The following NOL8 variants were observed in gnomAD, a reference collection of about 807,000 sequenced individuals.
The protein encoded by NOL8 is nucleolar protein 8.
A neutral mutation model predicts 116.1 loss-of-function variants in NOL8; 93 were observed. That is an observed-to-expected ratio of 0.80 (90% CI 0.68 to 0.95). The LOEUF is 0.95. Among genes scored for constraint, NOL8 ranks in the 40% least tolerant of loss-of-function variants. The pLI is 0.00. For synonymous variants in NOL8, 419 were observed against 469.0 expected, an observed-to-expected ratio of 0.89 and a Z score of 1.38; for missense variants, 1,291 against 1,382.8, an observed-to-expected ratio of 0.93 and a Z score of 1.05.
Position 92,315,936 on chromosome 9 carries a change from G to A in NOL8, c.689C>T (p.Thr230Ile). The A allele has an allele frequency of 1.2e-6, 2 of 1,613,898 alleles. No homozygotes were observed. Among genetic ancestry groups the A allele is most frequent in the Non-Finnish European group, 1.7e-6 (2 of 1,179,868 alleles). ...IIKVQKDESS[T>I]GSLAMSTRPR... is the part of the protein sequence containing the mutation. Reference sequence around the variant, plus strand: ...CCTTGTACTCATGGCCAGAGACCCAGTGGAACTCTCATCCTTCTGCACTTT... The same window carrying A: ...CCTTGTACTCATGGCCAGAGACCCAATGGAACTCTCATCCTTCTGCACTTT... Residue 230 changes from threonine (T) to isoleucine (I), a missense_variant, in exon 7 of 17, where the codon ACT becomes ATT. Thr to Ile is a moderately conservative substitution (Grantham distance 89). Transcript: ENST00000442668.
intron 4 of NOL8, among the ~76,000 whole-genome samples, chr9:92,319,656 A>G (rs1009905638): frequency 2.0e-5 from 3 of 152,232 alleles, no homozygotes; most frequent in African/African-American, 7.2e-5. Flanking sequence ...GTAAATATAC[A>G]TATTTTATAA....
At chr9:92,312,564 C>T (rs1336807830) in intron 7 of NOL8, among the ~76,000 whole-genome samples, 21 of 151,068 alleles carry the variant, frequency 1.4e-4, no homozygotes, top group Admixed American at 7.3e-4. Flanking sequence ...CAGTAGCTCA[C>T]GCCTGTAATC....
At chr9:92,302,515 A>G (rs1351484412) in intron 12 of NOL8, among the ~76,000 whole-genome samples, 3 of 152,248 alleles carry the variant, frequency 2.0e-5, no homozygotes, top group Non-Finnish European at 2.9e-5. Flanking sequence ...GGTAGAGACC[A>G]TATCAAAGAG....
chr9:92,299,087 G>C (rs1837496207), intron 14 of NOL8, 133 bp from the exon 15 acceptor site: 2 of 484,726 alleles, frequency 4.1e-6, no homozygotes, highest in African/African-American at 4.0e-5. Context: ...TTTCCCCCTA[G>C]AATCCAGGTG....
rs1357071743 is a variant in NOL8, at chr9:92,315,007, G to A, written c.1618C>T (p.Arg540Cys). Reference protein sequence around the residue: ...TGLRRGRQCIRPAEIVASLLE... With the variant: ...TGLRRGRQCICPAEIVASLLE... The stretch of plus-strand genomic sequence containing the variant: ...AGGGAAGCCACAATCTCCGCAGGAC[G>A]AATACACTGTCGGCCTCTGCGGAGG... Residue 540 changes from arginine to cysteine, a missense_variant, in exon 7 of 17, where the codon CGT (arginine) becomes TGT (cysteine). Arg to Cys is a radical substitution (Grantham distance 180). Transcript: ENST00000442668. 29 of 1,613,870 alleles carry A rather than the reference G, an allele frequency of 1.8e-5. No individual in the cohort carries two copies. The highest frequency in any genetic ancestry group is 2.1e-5 in the Non-Finnish European group (25 of 1,179,886).
In NOL8 at chr9:92,315,069, A is replaced by G. The variant is rs370257567; in HGVS notation, c.1556T>C (p.Phe519Ser). Residue 519 changes from phenylalanine to serine, a missense_variant, in exon 7 of 17, where the codon TTT (phenylalanine) becomes TCT (serine). Coordinates refer to ENST00000442668, the MANE Select transcript of NOL8 (RefSeq NM_017948.6). The part of the protein sequence containing the change: ...DGPETTTQCK[F>S]DRGSKSPKTP... ...CTTGGGGCTCTTGGAGCCTCTGTCA[A>G]ACTTGCATTGGGTGGTGGTTTCTGG... The G allele has an allele frequency of 6.6e-5, 107 of 1,613,880 alleles. No individual in the cohort carries two copies. Among genetic ancestry groups the G allele is most frequent in the Non-Finnish European group, 8.2e-5 (97 of 1,179,892 alleles).
chr9:92,300,225 T>C (rs1837620002), intron 13 of NOL8: 1 of 1,218,058 alleles, frequency 8.2e-7, no homozygotes, highest in Admixed American at 3.9e-5. Flanking sequence ...AATTTTGGCA[T>C]TGCTAGAATG....
At chr9:92,312,843 A>G (rs113820023) in intron 7 of NOL8, among the ~76,000 whole-genome samples, 17 of 148,502 alleles carry the variant, frequency 1.1e-4, no homozygotes, top group African/African-American at 1.8e-4. Flanking sequence ...AAAAAAAAAA[A>G]AAAAAGAAAA....
At position 92,315,985 on chromosome 9, in the gene NOL8, G is replaced by A; in HGVS notation, c.640C>T (p.His214Tyr). Residue 214 changes from histidine (H) to tyrosine (Y), a missense_variant, in exon 7 of 17, where the codon CAT (histidine) becomes TAT (tyrosine). Transcript: ENST00000442668. ...KKRRGEFSDF[H>Y]GPPKKIIKVQ... Reference sequence around the variant, plus strand: ...TTTATTATCTTCTTGGGAGGGCCATGAAAGTCAGAGAACTCTCCTCGCCGT... The same window carrying A: ...TTTATTATCTTCTTGGGAGGGCCATAAAAGTCAGAGAACTCTCCTCGCCGT... The A allele has an allele frequency of 6.2e-7, 1 of 1,613,968 alleles. No homozygotes were observed. The highest frequency in any genetic ancestry group is 1.1e-5 in the South Asian group (1 of 91,074).
chr9:92,318,033 CAAAAAAAAA>C (rs745928872), intron 6 of NOL8, among the ~76,000 whole-genome samples: 3 of 34,602 alleles, frequency 8.7e-5, no homozygotes, highest in East Asian at 9.9e-4. Context: ...GACTCCATCT[CAAAAAAAAA>C]AAAAAAAAAA....
In NOL8 at chr9:92,301,667, C is replaced by A; in HGVS notation, c.3059G>T (p.Cys1020Phe). ...GATTTCCTCAGGTTTCTCTTTACCA[C>A]AGTCCTCATTCCAGGGTGTGCCCTC... ...KEEGTPWNED[C>F]GKEKPEEIQD... Residue 1020 changes from cysteine to phenylalanine, a missense_variant, in exon 13 of 17, where the codon TGT (cysteine) becomes TTT (phenylalanine). Cys to Phe is a radical substitution (Grantham distance 205). Coordinates refer to ENST00000442668, the MANE Select transcript of NOL8 (RefSeq NM_017948.6). The A allele has an allele frequency of 6.2e-7, 1 of 1,604,580 alleles. No individual in the cohort carries two copies. The highest frequency in any genetic ancestry group is 1.1e-5 in the South Asian group (1 of 88,884).
intron 7 of NOL8, among the ~76,000 whole-genome samples, chr9:92,312,124 C>T (rs565786287): frequency 6.6e-6 from 1 of 152,152 alleles, no homozygotes; most frequent in Non-Finnish European, 1.5e-5. Context: ...ACTGCATGCT[C>T]TCACTTATAA....
chr9:92,310,205 T>C lies in NOL8; in HGVS notation c.2652A>G (p.Arg884=). 18 of 1,610,052 alleles carry C rather than the reference T, an allele frequency of 1.1e-5. No homozygotes were observed. The highest frequency in any genetic ancestry group is 1.4e-5 in the Non-Finnish European group (17 of 1,178,270). The change falls in exon 10 of 17, where the codon CGA becomes CGG. Residue 884 remains arginine, a synonymous_variant. Transcript: ENST00000442668. ...CCTCTTCACTGTCAGTTTCTAGAAA[T>C]CGAGAGTCCATGCGGAATCTGTCAT... is the stretch of plus-strand genomic sequence containing the variant. The part of the protein sequence containing the change: ...GTDDRFRMDS[R]FLETDSEEEQ...
chr9:92,322,267 T>C (rs1839990371), intron 3 of NOL8, among the ~76,000 whole-genome samples: 1 of 152,216 alleles, frequency 6.6e-6, no homozygotes, highest in South Asian at 2.1e-4. Flanking sequence ...TGAATTACTA[T>C]GCCGTAGTAA....
chr9:92,319,025 C>G, intron 5 of NOL8, 196 bp downstream of exon 5: 4 of 564,252 alleles, frequency 7.1e-6, no homozygotes. Flanking sequence ...ATTTCTTTCT[C>G]TGTAAAATGA....
intron 6 of NOL8, 50 bp from the exon 7 acceptor site, chr9:92,316,188 C>G (rs1275732298): frequency 2.0e-5 from 31 of 1,541,910 alleles, no homozygotes; most frequent in Non-Finnish European, 2.5e-5. Context: ...TAGGAAAACT[C>G]ATCAATCTTT....
At chr9:92,300,638 G>A (rs890090054) in intron 13 of NOL8, 18 of 1,010,894 alleles carry the variant, frequency 1.8e-5, no homozygotes, top group Admixed American at 5.5e-5. Flanking sequence ...TTTACATCAT[G>A]CCAACTCTAC....
chr9:92,319,150 C>A (rs1588001170), intron 5 of NOL8, 71 bp downstream of exon 5: 3 of 1,436,658 alleles, frequency 2.1e-6, no homozygotes, highest in East Asian at 5.3e-5. Flanking sequence ...GACATGACAC[C>A]CACAATCACG....
chr9:92,322,742 C>T (rs1407718647), intron 3 of NOL8: 4 of 152,238 alleles, frequency 2.6e-5, no homozygotes, highest in African/African-American at 9.6e-5. Context: ...CCACAGGTCA[C>T]AAAGCCTAGT....
Sources: allele counts gnomAD v4.1 joint callset (sites outside exome capture counted in the v4.1 genomes callset), GRCh38; gene constraint gnomAD v4.1.1; transcripts MANE v1.5; gene names NCBI Gene and HGNC (gene_info 2026-07-23, HGNC 2026-07-21).